Variants in KCNJ6 observed in about 807,000 individuals in gnomAD.
The protein encoded by KCNJ6 is potassium inwardly rectifying channel subfamily J member 6, also known as G protein-activated inward rectifier potassium channel 2.
A neutral mutation model predicts 34.2 loss-of-function variants in KCNJ6; 9 were observed. That is an observed-to-expected ratio of 0.26 (90% CI 0.16 to 0.46). The LOEUF is 0.46. KCNJ6 is among the 20% of genes least tolerant of loss of function. The pLI is 1.00. For synonymous variants in KCNJ6, 196 were observed against 207.1 expected (o/e 0.95, Z 0.46); for missense variants, 236 against 531.3 (o/e 0.44, Z 5.46).
At chr21:37,905,751 C>G (rs1049166473) in intron 1 of KCNJ6, among the ~76,000 whole-genome samples, 2 of 152,206 alleles carry the variant, frequency 1.3e-5, no homozygotes, top group African/African-American at 2.4e-5. Context: ...CCTCTGGGAA[C>G]TGAAGTCAGG....
rs1050172916 is a variant in KCNJ6 at position 37,622,438 on chromosome 21, A to C, written c.*2721T>G. 1 of 152,220 alleles carries C rather than the reference A, an allele frequency of 6.6e-6. No homozygotes were observed. Among genetic ancestry groups the C allele is most frequent in the Non-Finnish European group, 1.5e-5 (1 of 68,040 alleles). The allele number at this position is 152,220 out of a possible 1,614,324, so 9.4% of individuals were successfully genotyped here. A position where few individuals can be genotyped will look rare whatever the true frequency, so the allele number is the denominator to read the frequency against. ...TCAGTCTCAATGAACTTTCAGTTCC[A>C]AATTTTAACAGTTGACACAAAATAC... On this transcript the variant is annotated 3_prime_UTR_variant, in exon 4 of 4. Coordinates refer to ENST00000609713, the MANE Select transcript of KCNJ6 (RefSeq NM_002240.5).
intron 1 of KCNJ6, among the ~76,000 whole-genome samples, chr21:37,867,883 C>T (rs1489407493): frequency 6.6e-6 from 1 of 152,240 alleles, no homozygotes; most frequent in Non-Finnish European, 1.5e-5. Flanking sequence ...GTTTATATGT[C>T]AACAGTCTCT....
intron 2 of KCNJ6, among the ~76,000 whole-genome samples, chr21:37,796,700 G>A (rs953075175): frequency 6.0e-5 from 9 of 151,032 alleles, no homozygotes; most frequent in South Asian, 4.2e-4. Context: ...GGGTCCCTGT[G>A]TCCCTGTATT....
intron 1 of KCNJ6, among the ~76,000 whole-genome samples, chr21:37,878,698 A>G (rs1052471330): frequency 2.0e-5 from 3 of 152,234 alleles, no homozygotes; most frequent in African/African-American, 4.8e-5. Flanking sequence ...TGTGTCTAAC[A>G]TACTATGTCT....
At chr21:37,912,912 C>G (rs969765064) in intron 1 of KCNJ6, among the ~76,000 whole-genome samples, 3 of 152,166 alleles carry the variant, frequency 2.0e-5, no homozygotes, top group Non-Finnish European at 4.4e-5. Context: ...AAATAACAAA[C>G]CAGAACCAGC....
At chr21:37,697,235 G>T (rs904319536) in intron 3 of KCNJ6, among the ~76,000 whole-genome samples, 1 of 152,190 alleles carries the variant, frequency 6.6e-6, no homozygotes, top group African/African-American at 2.4e-5. Flanking sequence ...GGCCAATGGG[G>T]TGCTCCCCTT....
At chr21:37,807,126 A>G (rs1390071255) in intron 2 of KCNJ6, among the ~76,000 whole-genome samples, 1 of 152,212 alleles carries the variant, frequency 6.6e-6, no homozygotes, top group Non-Finnish European at 1.5e-5. Flanking sequence ...TTGCTAACCT[A>G]TTTGAGCATT....
chr21:37,671,448 C>T (rs1337199087), intron 3 of KCNJ6, among the ~76,000 whole-genome samples: 1 of 152,244 alleles, frequency 6.6e-6, no homozygotes, highest in Non-Finnish European at 1.5e-5. Flanking sequence ...CTTCTGGCTG[C>T]TCATCTGTAC....
chr21:37,788,931 C>G (rs565240272), intron 2 of KCNJ6, among the ~76,000 whole-genome samples: 2 of 152,314 alleles, frequency 1.3e-5, no homozygotes, highest in African/African-American at 4.8e-5. Flanking sequence ...TGTTCTCTAT[C>G]AAGAGCCCCC....
intron 1 of KCNJ6, among the ~76,000 whole-genome samples, chr21:37,854,301 A>T (rs1161352005): frequency 6.6e-6 from 1 of 152,206 alleles, no homozygotes; most frequent in Admixed American, 6.5e-5. Flanking sequence ...CACAAAGTAG[A>T]CTGCAGAGCA....
At chr21:37,780,079 T>G (rs1444695236) in intron 2 of KCNJ6, among the ~76,000 whole-genome samples, 1 of 152,122 alleles carries the variant, frequency 6.6e-6, no homozygotes, top group African/African-American at 2.4e-5. Context: ...ATAAGAATTA[T>G]TACCTTGAAA....
chr21:37,895,934 C>T (rs183259424), intron 1 of KCNJ6, among the ~76,000 whole-genome samples: 114 of 152,276 alleles, frequency 7.5e-4, no homozygotes, highest in African/African-American at 2.2e-3. Flanking sequence ...CATTGTATTA[C>T]GCCGTTCTTG....
At chr21:37,667,598 C>T (rs1010234871) in intron 3 of KCNJ6, among the ~76,000 whole-genome samples, 11 of 145,604 alleles carry the variant, frequency 7.6e-5, no homozygotes, top group African/African-American at 2.8e-4. Flanking sequence ...TAGCAGGAGC[C>T]AGGGTAGCGG....
intron 2 of KCNJ6, among the ~76,000 whole-genome samples, chr21:37,809,331 C>T (rs1015769903): frequency 7.3e-5 from 11 of 151,314 alleles, no homozygotes; most frequent in African/African-American, 2.7e-4. Context: ...ACAATGAGAA[C>T]ACATGGACAC....
rs528089702 is a variant in KCNJ6 at position 37,735,732 on chromosome 21, C to T, written c.26-20601G>A. Among the ~76,000 whole-genome samples the T allele has an allele frequency of 2.0e-5, 3 of 152,326 alleles. No homozygotes were observed. The East Asian group carries it at 5.8e-4, about 29-fold the overall frequency. Reference sequence around the variant, plus strand: ...GAGGCAGAGGACACAGGGACACCTGCTCTGAATGAGGCCTGGAGCAGCCAC... The same window carrying T: ...GAGGCAGAGGACACAGGGACACCTGTTCTGAATGAGGCCTGGAGCAGCCAC... On this transcript the variant is annotated intron_variant, in intron 2 of 3. Transcript: ENST00000609713.
At chr21:37,912,913 C>T (rs1250255057) in intron 1 of KCNJ6, among the ~76,000 whole-genome samples, 1 of 152,186 alleles carries the variant, frequency 6.6e-6, no homozygotes, top group Non-Finnish European at 1.5e-5. Flanking sequence ...AATAACAAAC[C>T]AGAACCAGCT....
chr21:37,762,228 G>A (rs115316680), intron 2 of KCNJ6, among the ~76,000 whole-genome samples: 3 of 152,288 alleles, frequency 2.0e-5, no homozygotes, highest in Admixed American at 6.5e-5. Context: ...TCCCTGAGGA[G>A]TGTTTGGGTG....
rs1292382520 is a variant in KCNJ6 at position 37,748,948 on chromosome 21, A to T, written c.26-33817T>A. On this transcript the variant is annotated intron_variant, in intron 2 of 3. Coordinates refer to ENST00000609713, the MANE Select transcript of KCNJ6 (RefSeq NM_002240.5). ...TTTGCACTGTGCTGTCTTAATAGGTATAGAGCTATCAACCTGGAGTAGGCA... is the reference window on the plus strand; with the variant it reads ...TTTGCACTGTGCTGTCTTAATAGGTTTAGAGCTATCAACCTGGAGTAGGCA... Among the ~76,000 whole-genome samples the T allele has an allele frequency of 5.3e-5, 8 of 152,334 alleles. No homozygotes were observed. The South Asian group carries it at 1.7e-3, about 32-fold the overall frequency.
intron 1 of KCNJ6, among the ~76,000 whole-genome samples, chr21:37,866,017 G>A (rs2055620910): frequency 6.6e-6 from 1 of 152,178 alleles, no homozygotes; most frequent in Non-Finnish European, 1.5e-5. Context: ...TAACTTAGGT[G>A]TTGCTGTGAA....
Sources: allele counts gnomAD v4.1 joint callset (sites outside exome capture counted in the v4.1 genomes callset), GRCh38; gene constraint gnomAD v4.1.1; transcripts MANE v1.5; gene names NCBI Gene and HGNC (gene_info 2026-07-23, HGNC 2026-07-21).